The following DENND1B variants were observed in gnomAD, a reference collection of about 807,000 sequenced individuals.
The protein encoded by DENND1B is DENN domain containing 1B, also known as DENN domain-containing protein 1B.
In DENND1B, 59 loss-of-function variants were observed where a neutral mutation model predicts 90.1. That is an observed-to-expected ratio of 0.65 (90% CI 0.53 to 0.81). The LOEUF (loss-of-function observed/expected upper bound fraction) is 0.81. Ranked by LOEUF, DENND1B falls within the 40% of genes least tolerant of loss-of-function variation. The probability of loss-of-function intolerance (pLI) is 0.00; values close to 1 mark genes in which losing one functional copy is unlikely to be tolerated. For synonymous variants in DENND1B, 337 were observed against 324.6 expected (o/e 1.04, Z -0.41); for missense variants, 862 against 912.6 (o/e 0.94, Z 0.71).
chr1:197,526,625 A>G (rs181845659), intron 20 of DENND1B, among the ~76,000 whole-genome samples: 8 of 152,188 alleles, frequency 5.3e-5, no homozygotes, highest in African/African-American at 1.2e-4. Flanking sequence ...TTTGAAGAGT[A>G]AAATTACAAC....
At chr1:197,770,861 AATATATATCTATAAAT>A (rs1397383048) in intron 2 of DENND1B, among the ~76,000 whole-genome samples, 1 of 135,444 alleles carries the variant, frequency 7.4e-6, no homozygotes, top group Admixed American at 7.9e-5. Context: ...TATATCTATA[AATATATATCTATAAAT>A]ATATGTATCT....
At chr1:197,624,015 A>G (rs115203514) in intron 10 of DENND1B, among the ~76,000 whole-genome samples, 159 of 151,698 alleles carry the variant, frequency 1.0e-3, no homozygotes, top group Non-Finnish European at 1.7e-3. Context: ...AACTTGATCT[A>G]TAGATTACAA....
chr1:197,601,453 A>G (rs1045962543), intron 13 of DENND1B, among the ~76,000 whole-genome samples: 1 of 151,694 alleles, frequency 6.6e-6, no homozygotes, highest in Admixed American at 6.6e-5. Context: ...GATATGGAAA[A>G]ATCAAGAATT....
chr1:197,619,483 C>T (rs962208479), intron 10 of DENND1B, among the ~76,000 whole-genome samples: 4 of 151,158 alleles, frequency 2.6e-5, no homozygotes, highest in Non-Finnish European at 5.9e-5. Flanking sequence ...TCTCAATCTG[C>T]ACACAGATGA....
At chr1:197,759,236 T>G (rs1654703801) in intron 2 of DENND1B, among the ~76,000 whole-genome samples, 1 of 151,558 alleles carries the variant, frequency 6.6e-6, no homozygotes, top group Admixed American at 6.6e-5. Flanking sequence ...CCCAAATTGC[T>G]GGGATTACAG....
At chr1:197,659,338 T>C (rs1250664370) in intron 5 of DENND1B, among the ~76,000 whole-genome samples, 2 of 151,862 alleles carry the variant, frequency 1.3e-5, no homozygotes. Flanking sequence ...TTAGTGACTA[T>C]GAATGATGCC....
chr1:197,625,327 G>A (rs954514369), intron 10 of DENND1B, among the ~76,000 whole-genome samples: 6 of 138,678 alleles, frequency 4.3e-5, no homozygotes, highest in East Asian at 4.1e-4. Context: ...CAGCAGAAAC[G>A]CTACAAGCCA....
intron 10 of DENND1B, among the ~76,000 whole-genome samples, chr1:197,629,555 A>G (rs1340024687): frequency 6.6e-6 from 1 of 151,496 alleles, no homozygotes; most frequent in Non-Finnish European, 1.5e-5. Context: ...GAGGGGTAAC[A>G]TTAGGAGATA....
intron 5 of DENND1B, among the ~76,000 whole-genome samples, chr1:197,671,155 T>C (rs2125983199): frequency 6.6e-6 from 1 of 152,334 alleles, no homozygotes; most frequent in South Asian, 2.1e-4. Flanking sequence ...ATTTCATAAA[T>C]TGTTATTTCT....
intron 15 of DENND1B, among the ~76,000 whole-genome samples, chr1:197,567,307 AATT>A (rs1353818265): frequency 6.6e-6 from 1 of 152,110 alleles, no homozygotes; most frequent in Non-Finnish European, 1.5e-5. Flanking sequence ...ATCAAAACTG[AATT>A]ATTAACAAAT....
chr1:197,750,677 C>A (rs1337282828), intron 2 of DENND1B, among the ~76,000 whole-genome samples: 3 of 151,984 alleles, frequency 2.0e-5, no homozygotes, highest in Non-Finnish European at 4.4e-5. Flanking sequence ...GAATTTCATG[C>A]AAACACTAAT....
chr1:197,541,276 C>A (rs1471088543), intron 18 of DENND1B, among the ~76,000 whole-genome samples: 3 of 152,052 alleles, frequency 2.0e-5, no homozygotes, highest in Non-Finnish European at 4.4e-5. Flanking sequence ...ATTTTGTTTC[C>A]TAAACTATAA....
chr1:197,633,607 T>C (rs961214864), intron 10 of DENND1B, among the ~76,000 whole-genome samples: 23 of 152,118 alleles, frequency 1.5e-4, no homozygotes, highest in Non-Finnish European at 3.1e-4. Context: ...TCCACCAGGC[T>C]CCTATGCAGT....
chr1:197,661,013 G>A (rs1335406704), intron 5 of DENND1B, among the ~76,000 whole-genome samples: 5 of 152,016 alleles, frequency 3.3e-5, no homozygotes, highest in South Asian at 4.1e-4. Context: ...ATGCTGGAAC[G>A]GGGTGTTTAC....
At chr1:197,605,863 T>A (rs1019506476) in intron 13 of DENND1B, 9 of 151,124 alleles carry the variant, frequency 6.0e-5, no homozygotes, top group African/African-American at 2.2e-4. Flanking sequence ...TGATTTTGAC[T>A]TTAAAATCAT....
chr1:197,699,361 C>A (rs1328050794), intron 3 of DENND1B, among the ~76,000 whole-genome samples: 1 of 152,120 alleles, frequency 6.6e-6, no homozygotes, highest in Non-Finnish European at 1.5e-5. Flanking sequence ...AATTTGACAT[C>A]CCTTCAGGTT....
chr1:197,512,094 C>T lies in DENND1B; in HGVS notation c.1599-150G>A, dbSNP rs1235337389. ...CAAATTCTTTACCGTGATGTGTATA[C>T]TAATTCCAATATGGAAATATTTTGT... On this transcript the variant is annotated intron_variant, in intron 21 of 22. Coordinates refer to ENST00000620048, the MANE Select transcript of DENND1B (RefSeq NM_001195215.2). The T allele has an allele frequency of 6.8e-6, 4 of 586,686 alleles. No homozygotes were observed. The East Asian group carries it at 1.2e-4, about 17-fold the overall frequency. 36.3% of individuals were successfully genotyped at this position (586,686 alleles called of 1,614,324 possible).
intron 13 of DENND1B, among the ~76,000 whole-genome samples, chr1:197,600,214 TTTC>T (rs1173673323): frequency 6.6e-6 from 1 of 151,954 alleles, no homozygotes; most frequent in East Asian, 1.9e-4. Flanking sequence ...CTAAAATTAT[TTTC>T]TTATCAGTTT....
intron 3 of DENND1B, among the ~76,000 whole-genome samples, chr1:197,695,806 A>C (rs72744918): frequency 0.023 from 3,553 of 151,342 alleles, 126 homozygotes; most frequent in Admixed American, 0.099. Flanking sequence ...TCAGAGTATT[A>C]GAATTTAATA....
Sources: gnomAD v4.1 joint callset for allele counts (sites outside exome capture counted in the v4.1 genomes callset) on GRCh38, gnomAD v4.1.1 for gene constraint, MANE v1.5 for transcripts, NCBI Gene and HGNC (gene_info 2026-07-23, HGNC 2026-07-21) for gene names.